ADSL: variants seen among roughly 807,000 people sequenced by gnomAD.
ADSL encodes the protein adenylosuccinase.
ADSL carries 44 observed loss-of-function variants against 62.1 expected under a neutral mutation model. The ratio of observed to expected loss-of-function variants is 0.71; its 90% CI spans 0.56 to 0.91. The LOEUF is 0.91. ADSL is among the 40% of genes least tolerant of loss of function. ADSL has a pLI of 0.00. For synonymous variants in ADSL, 198 were observed against 220.5 expected (o/e 0.90, Z 0.90); for missense variants, 531 against 627.4 (o/e 0.85, Z 1.64).
At chr22:40,357,800 A>T (rs1209460380) in intron 4 of ADSL, among the ~76,000 whole-genome samples, 1 of 151,680 alleles carries the variant, frequency 6.6e-6, no homozygotes, top group Non-Finnish European at 1.5e-5. Flanking sequence ...TTTTTTTGAG[A>T]CAGAATCTGG....
Position 40,367,182 on chromosome 22 carries a change from A to C in ADSL, c.*660A>C, listed in dbSNP as rs914254948. ...TGTTGAGGCTTGCTCTGTCACCCAG[A>C]CTAGAGTGCAGTAGCACAATCTTGG... On this transcript the variant is annotated 3_prime_UTR_variant, in exon 13 of 13. Transcript: ENST00000623063. The C allele has an allele frequency of 6.6e-6, 1 of 152,660 alleles. No individual in the cohort carries two copies. The highest frequency in any genetic ancestry group is 2.4e-5 in the African/African-American group (1 of 41,412). 9.5% of individuals were successfully genotyped at this position (152,660 alleles called of 1,614,324 possible).
chr22:40,352,788 C>G (rs1400880080), intron 2 of ADSL, among the ~76,000 whole-genome samples: 13 of 152,228 alleles, frequency 8.5e-5, no homozygotes, highest in Admixed American at 8.5e-4. Flanking sequence ...CATGCGCCAC[C>G]ATGCCCAACC....
intron 11 of ADSL, chr22:40,364,622 G>A (rs937325321): frequency 6.4e-6 from 4 of 626,940 alleles, no homozygotes; most frequent in African/African-American, 5.5e-5. Context: ...TAGGAAATGA[G>A]CAGGAAACGA....
chr22:40,364,896 T>G lies in ADSL; in HGVS notation c.1208T>G (p.Ile403Ser). The change falls in exon 12 of 13, where the codon ATC (isoleucine) becomes AGC (serine). Residue 403 changes from isoleucine (I) to serine (S), a missense_variant. By Grantham distance (142) the Ile-to-Ser change is moderately radical. This residue lies in a region of ADSL where 471 missense variants were observed against 592.9 expected (regional missense o/e 0.79). Transcript: ENST00000623063. ...TCTTCCCAGGATTGCCATGAGAAAA[T>G]CAGAGTGCTTTCTCAGCAGGCAGCT... ...GGSRQDCHEK[I>S]RVLSQQAASV... 6.2e-7 allele frequency: 1 copy of G among 1,614,126 alleles called. No homozygotes were observed. The highest frequency in any genetic ancestry group is 8.5e-7 in the Non-Finnish European group (1 of 1,179,996).
Position 40,349,819 on chromosome 22 carries a change from G to C in ADSL, c.154-13G>C, listed in dbSNP as rs1457768259. On this transcript the variant is annotated splice_polypyrimidine_tract_variant and intron_variant, in intron 1 of 12. Coordinates refer to ENST00000623063, the MANE Select transcript of ADSL (RefSeq NM_000026.4). Reference sequence around the variant, plus strand: ...CACTGAGACTATTTTATTTTATTTTGCCTATTCTGCAGACATTGGGTTTGC... The same window carrying C: ...CACTGAGACTATTTTATTTTATTTTCCCTATTCTGCAGACATTGGGTTTGC... The C allele has an allele frequency of 6.2e-7, 1 of 1,610,398 alleles. No homozygotes were observed.
chr22:40,359,476 C>CTTTTTTTTTT, intron 6 of ADSL, among the ~76,000 whole-genome samples, 170 bp downstream of exon 6: 1 of 43,870 alleles, frequency 2.3e-5, no homozygotes, highest in Non-Finnish European at 3.9e-5. Context: ...TATCTGGATT[C>CTTTTTTTTTT]TTTTTTTTTT....
intron 2 of ADSL, 102 bp from the exon 3 acceptor site, chr22:40,352,971 C>A: frequency 2.2e-6 from 2 of 889,530 alleles, no homozygotes; most frequent in Non-Finnish European, 3.8e-6. Flanking sequence ...GTGATATAGG[C>A]TGGTAGCTGA....
chr22:40,348,235 C>T (rs902484542), intron 1 of ADSL, among the ~76,000 whole-genome samples: 2 of 152,146 alleles, frequency 1.3e-5, no homozygotes, highest in Admixed American at 6.6e-5. Flanking sequence ...GCAGTATGGC[C>T]GTGCTGCCCT....
At chr22:40,350,922 G>C (rs1230558215) in intron 2 of ADSL, among the ~76,000 whole-genome samples, 1 of 152,030 alleles carries the variant, frequency 6.6e-6, no homozygotes, top group Non-Finnish European at 1.5e-5. Flanking sequence ...GAGCCACTGT[G>C]CCTGGCCTTC....
rs1682946828 is a variant in ADSL, at chr22:40,354,404, A to G, written c.482+77A>G. On this transcript the variant is annotated intron_variant, in intron 4 of 12. Coordinates refer to ENST00000623063, the MANE Select transcript of ADSL (RefSeq NM_000026.4). ...CTTGAGTTCTCTGTTTTCCACAGTA[A>G]CCTTGAGGTGAAGAATCTGAAAACA... 4.5e-6 allele frequency: 5 copies of G among 1,122,328 alleles called. No homozygotes were observed. In the African/African-American group the frequency reaches 4.6e-5, roughly 10 times the overall value. The allele number at this position is 1,122,328 out of a possible 1,614,324, so 69.5% of individuals were successfully genotyped here.
downstream of ADSL, among the ~76,000 whole-genome samples, chr22:40,369,817 A>G (rs2045147226): frequency 6.6e-6 from 1 of 152,140 alleles, no homozygotes; most frequent in South Asian, 2.1e-4. Flanking sequence ...CAACTGATGA[A>G]ATGTCTGCTC....
chr22:40,350,719 A>G (rs1173927431), intron 2 of ADSL, among the ~76,000 whole-genome samples: 2 of 151,358 alleles, frequency 1.3e-5, no homozygotes, highest in South Asian at 2.1e-4. Context: ...CCCAGGTTCA[A>G]TTGATTCCTG....
At chr22:40,369,963 G>A (rs182460161), downstream of ADSL, among the ~76,000 whole-genome samples, 1 of 152,326 alleles carries the variant, frequency 6.6e-6, no homozygotes, top group Middle Eastern at 3.4e-3. Context: ...CCCTAGAAAG[G>A]TGATATGAAG....
intron 4 of ADSL, among the ~76,000 whole-genome samples, chr22:40,357,789 G>GT (rs916287576): frequency 1.3e-5 from 2 of 151,544 alleles, no homozygotes; most frequent in African/African-American, 4.9e-5. Context: ...TTTTTCATTT[G>GT]TTTTTTTGAG....
At chr22:40,354,197 A>G in intron 3 of ADSL, 51 bp from the exon 4 acceptor site, 2 of 1,486,720 alleles carry the variant, frequency 1.3e-6, no homozygotes, top group Non-Finnish European at 1.9e-6. Flanking sequence ...TAATTATGTA[A>G]TGAACACAAC....
intron 1 of ADSL, among the ~76,000 whole-genome samples, chr22:40,347,872 A>G (rs2044201260): frequency 6.6e-6 from 1 of 152,220 alleles, no homozygotes; most frequent in African/African-American, 2.4e-5. Flanking sequence ...AGTAGACCTT[A>G]ATCATGTGTT....
At chr22:40,379,944 C>G (rs1468927938) in intron 2 of ADSL, among the ~76,000 whole-genome samples, 2 of 152,124 alleles carry the variant, frequency 1.3e-5, no homozygotes, top group Admixed American at 6.5e-5. Flanking sequence ...CTCCTGGGCT[C>G]AAGTGATCCA....
intron 2 of ADSL, among the ~76,000 whole-genome samples, chr22:40,375,296 T>C (rs2046360604): frequency 6.6e-6 from 1 of 152,126 alleles, no homozygotes; most frequent in South Asian, 2.1e-4. Flanking sequence ...ATTAGATTGA[T>C]AGGCCGGTTG....
At chr22:40,356,242 G>C (rs539302992) in intron 4 of ADSL, among the ~76,000 whole-genome samples, 54 of 149,756 alleles carry the variant, frequency 3.6e-4, no homozygotes, top group African/African-American at 1.3e-3. Flanking sequence ...TAGGCTGGGC[G>C]GTTAGGCTGG....
Sources: gnomAD v4.1 joint callset for allele counts (sites outside exome capture counted in the v4.1 genomes callset) on GRCh38, gnomAD v4.1.1 for gene constraint, gnomAD v4.1.1 regional missense constraint, MANE v1.5 for transcripts, NCBI Gene and HGNC (gene_info 2026-07-23, HGNC 2026-07-21) for gene names.